CIAO2A: variants seen among roughly 807,000 people sequenced by gnomAD.
CIAO2A encodes MIP18 family protein FAM96A.
A neutral mutation model predicts 22.4 loss-of-function variants in CIAO2A; 17 were observed. The observed-to-expected ratio is 0.76, with a 90% CI of 0.52 to 1.14. CIAO2A has a LOEUF of 1.14. Ranked by LOEUF, CIAO2A falls within the 50% of genes most tolerant of loss-of-function variation. CIAO2A has a pLI of 0.00. For missense variants in CIAO2A, 192 were observed against 191.4 expected (o/e 1.00, Z -0.02); for synonymous variants, 74 against 72.3 (o/e 1.02, Z -0.12).
At chr15:64,091,916 T>G (rs2080842290) in intron 1 of CIAO2A, among the ~76,000 whole-genome samples, 1 of 151,742 alleles carries the variant, frequency 6.6e-6, no homozygotes, top group Non-Finnish European at 1.5e-5. Context: ...AAAAATTAGC[T>G]GGGCATGGTG....
chr15:64,075,576 T>C (rs332234), intron 3 of CIAO2A, 39 bp from the exon 4 acceptor site: 1,344,222 of 1,367,592 alleles, frequency 0.98, 662,804 homozygotes, highest in East Asian at 1. Context: ...AAAACATTAA[T>C]GCATTCTAAG....
chr15:64,075,596 T>G, intron 3 of CIAO2A, 59 bp from the exon 4 acceptor site: 1 of 1,054,850 alleles, frequency 9.5e-7, no homozygotes. Context: ...GATAAGAGAG[T>G]GAAGTGGAAT....
chr15:64,085,497 GTC>G (rs2080787316), intron 2 of CIAO2A, among the ~76,000 whole-genome samples: 1 of 152,098 alleles, frequency 6.6e-6, no homozygotes, highest in Non-Finnish European at 1.5e-5. Flanking sequence ...GTGAGACCCT[GTC>G]TCAACAACAA....
In CIAO2A at chr15:64,093,534, C is replaced by A. The variant is rs56111867; in HGVS notation, c.124+111G>T. On this transcript the variant is annotated intron_variant, in intron 1 of 4. Coordinates refer to ENST00000300030, the MANE Select transcript of CIAO2A (RefSeq NM_032231.7). ...GGCCAAAAACAAACAAACAAACAAACAAAAAAAAAGGTCTCCCCTCCCAGC... is the reference window on the plus strand; with the variant it reads ...GGCCAAAAACAAACAAACAAACAAAAAAAAAAAAAGGTCTCCCCTCCCAGC... The A allele has an allele frequency of 4.6e-3, 5,740 of 1,242,508 alleles. 186 individuals carry two copies. The African/African-American group carries it at 0.075, about 16-fold the overall frequency. The allele number at this position is 1,242,508 out of a possible 1,614,324, so 77.0% of individuals were successfully genotyped here.
chr15:64,080,178 G>C (rs540672679), intron 3 of CIAO2A, among the ~76,000 whole-genome samples: 1 of 151,960 alleles, frequency 6.6e-6, no homozygotes, highest in African/African-American at 2.4e-5. Flanking sequence ...TTGAGGCCAA[G>C]AGTTCAAGAC....
chr15:64,083,166 CAAT>C (rs969002291), intron 2 of CIAO2A, among the ~76,000 whole-genome samples: 36 of 149,648 alleles, frequency 2.4e-4, no homozygotes, highest in African/African-American at 7.1e-4. Flanking sequence ...CATAAGTGTA[CAAT>C]AATAGTATAA....
chr15:64,073,158 C>T (rs932678684), intron 4 of CIAO2A, 130 bp from the exon 5 acceptor site: 6 of 570,162 alleles, frequency 1.1e-5, no homozygotes, highest in Non-Finnish European at 1.9e-5. Flanking sequence ...TGGCTAATTA[C>T]TCATAATGTA....
At chr15:64,074,209 T>C (rs1017996937) in intron 4 of CIAO2A, 2 of 152,226 alleles carry the variant, frequency 1.3e-5, no homozygotes, top group African/African-American at 4.8e-5. Flanking sequence ...GAGACGACTA[T>C]ATTCTTAATG....
intron 2 of CIAO2A, among the ~76,000 whole-genome samples, chr15:64,086,678 A>G (rs986779778): frequency 1.3e-5 from 2 of 150,826 alleles, no homozygotes; most frequent in African/African-American, 4.9e-5. Context: ...CAGTGGCGCA[A>G]TCTCAGCTCA....
chr15:64,088,705 A>T lies in CIAO2A; in HGVS notation c.271T>A (p.Ser91Thr). 1 of 1,611,510 alleles carries T rather than the reference A, an allele frequency of 6.2e-7. No homozygotes were observed. The highest frequency in any genetic ancestry group is 8.5e-7 in the Non-Finnish European group (1 of 1,179,356). The change falls in exon 2 of 5, where the codon TCT becomes ACT. Residue 91 changes from serine to threonine, a missense_variant. Transcript: ENST00000300030. ...AACTTACCAATAAGAGTCGCCAAAG[A>T]GCAATGAGGTACTGTTGGCGTGAAC... is the stretch of plus-strand genomic sequence containing the variant. ...IRFTPTVPHCSLATLIGLCLR... is the reference protein window; with the variant it reads ...IRFTPTVPHCTLATLIGLCLR...
At position 64,072,867 on chromosome 15, in the gene CIAO2A, A is replaced by T; in HGVS notation, c.*64T>A. The T allele has an allele frequency of 2.8e-6, 3 of 1,079,600 alleles. No homozygotes were observed. Among genetic ancestry groups the T allele is most frequent in the Non-Finnish European group, 4.2e-6 (3 of 711,112 alleles). The allele number at this position is 1,079,600 out of a possible 1,614,324, so 66.9% of individuals were successfully genotyped here. Reference sequence around the variant, plus strand: ...TATGTATTAAACATGAGTCTCTGACATTATACAAAGAGTTTAAACAAATAT... The same window carrying T: ...TATGTATTAAACATGAGTCTCTGACTTTATACAAAGAGTTTAAACAAATAT... On this transcript the variant is annotated 3_prime_UTR_variant, in exon 5 of 5. Transcript: ENST00000300030.
intron 2 of CIAO2A, among the ~76,000 whole-genome samples, chr15:64,086,163 C>T (rs1417571314): frequency 6.6e-6 from 1 of 151,480 alleles, no homozygotes; most frequent in Non-Finnish European, 1.5e-5. Context: ...AATCCCAGCA[C>T]TTTGGGAGGC....
intron 3 of CIAO2A, among the ~76,000 whole-genome samples, chr15:64,079,709 T>G (rs1469898511): frequency 6.6e-6 from 1 of 152,216 alleles, no homozygotes; most frequent in Non-Finnish European, 1.5e-5. Flanking sequence ...AACCAATTAC[T>G]ATGAATTAAC....
At position 64,093,697 on chromosome 15, in the gene CIAO2A, C is replaced by T. The variant is rs1191689665; in HGVS notation, c.72G>A (p.Pro24=). The change falls in exon 1 of 5, where the codon CCG becomes CCA. Residue 24 remains proline (P), a synonymous_variant. Coordinates refer to ENST00000300030, the MANE Select transcript of CIAO2A (RefSeq NM_032231.7). ...TGATCCGGGGCTGCCGGGCAGCTCC[C>T]GGCTCAGAGAGGCCGGAGAGCCACA... is the stretch of plus-strand genomic sequence containing the variant. ...RVLWLSGLSE[P]GAARQPRIME... 1 of 1,614,042 alleles carries T rather than the reference C, an allele frequency of 6.2e-7. No homozygotes were observed. The highest frequency in any genetic ancestry group is 8.5e-7 in the Non-Finnish European group (1 of 1,179,946).
At chr15:64,075,641 C>A in intron 3 of CIAO2A, 104 bp from the exon 4 acceptor site, 2 of 594,780 alleles carry the variant, frequency 3.4e-6, no homozygotes, top group South Asian at 2.4e-5. Flanking sequence ...GATGAGTGCC[C>A]AAATCCTGTT....
At position 64,093,681 on chromosome 15, in the gene CIAO2A, G is replaced by T; in HGVS notation, c.88C>A (p.Pro30Thr). ...GLSEPGAARQ[P>T]RIMEEKALEV... is the part of the protein sequence containing the mutation. ...AGCGCTTTCTCTTCCATGATCCGGG[G>T]CTGCCGGGCAGCTCCCGGCTCAGAG... The change falls in exon 1 of 5, where the codon CCC becomes ACC. Residue 30 changes from proline (P) to threonine (T), a missense_variant. By Grantham distance (38) the Pro-to-Thr change is conservative (BLOSUM62 -1). Transcript: ENST00000300030. 2 of 1,613,964 alleles carry T rather than the reference G, an allele frequency of 1.2e-6. No individual in the cohort carries two copies. The highest frequency in any genetic ancestry group is 2.2e-5 in the East Asian group (1 of 44,884).
At chr15:64,085,862 C>G (rs2080790702) in intron 2 of CIAO2A, among the ~76,000 whole-genome samples, 1 of 151,918 alleles carries the variant, frequency 6.6e-6, no homozygotes, top group Admixed American at 6.5e-5. Context: ...GCGCCCGCCA[C>G]CACGCCCAGC....
rs757810258 is a variant in CIAO2A, at chr15:64,088,794, A to G, written c.182T>C (p.Val61Ala). Residue 61 changes from valine (V) to alanine (A), a missense_variant, in exon 2 of 5, where the codon GTG becomes GCG. By Grantham distance (64) the Val-to-Ala change is moderately conservative. Transcript: ENST00000300030. Reference protein sequence around the residue: ...EKPNTLEELEVVSESCVEVQE... With the variant: ...EKPNTLEELEAVSESCVEVQE... The stretch of plus-strand genomic sequence containing the variant: ...AACTTCCACACAACTTTCCGAGACC[A>G]CTTCCAGTTCTTCTAAAGTATTGGG... 1 of 1,614,082 alleles carries G rather than the reference A, an allele frequency of 6.2e-7. No individual in the cohort carries two copies. Among genetic ancestry groups the G allele is most frequent in the South Asian group, 1.1e-5 (1 of 91,068 alleles).
chr15:64,091,292 C>T (rs1288714890), intron 1 of CIAO2A, among the ~76,000 whole-genome samples: 1 of 152,108 alleles, frequency 6.6e-6, no homozygotes, highest in African/African-American at 2.4e-5. Flanking sequence ...CAAGACCAGC[C>T]TGGCCAACAT....
Sources: gnomAD v4.1 joint callset for allele counts (sites outside exome capture counted in the v4.1 genomes callset) on GRCh38, gnomAD v4.1.1 for gene constraint, MANE v1.5 for transcripts, NCBI Gene and HGNC (gene_info 2026-07-23, HGNC 2026-07-21) for gene names.